Variants in NKTR observed in about 807,000 individuals in gnomAD.
The protein encoded by NKTR is natural killer cell triggering receptor, also known as NK-tumor recognition protein.
Under a neutral mutation model 156.3 loss-of-function variants are expected in NKTR, and 67 were observed. The ratio of observed to expected loss-of-function variants is 0.43; its 90% CI spans 0.35 to 0.53. The LOEUF (loss-of-function observed/expected upper bound fraction) is 0.53, where lower values mean the gene tolerates loss of function less well. Ranked by LOEUF, NKTR falls within the 20% of genes least tolerant of loss-of-function variation. NKTR has a pLI of 0.01. For missense variants in NKTR, 1,604 were observed against 1,730.9 expected (o/e 0.93, Z 1.30); for synonymous variants, 640 against 596.6 (o/e 1.07, Z -1.06).
intron 14 of NKTR, 70 bp downstream of exon 14, chr3:42,642,666 G>A: frequency 9.4e-7 from 1 of 1,067,146 alleles, no homozygotes; most frequent in African/African-American, 1.6e-5. Flanking sequence ...ATAGGCAGAG[G>A]GGGTAGTTGT....
intron 13 of NKTR, among the ~76,000 whole-genome samples, chr3:42,641,893 G>A (rs1709921536): frequency 6.6e-6 from 1 of 150,982 alleles, no homozygotes; most frequent in Admixed American, 6.6e-5. Flanking sequence ...AAAAAAAATA[G>A]AGCTTTGATG....
chr3:42,642,516 T>G lies in NKTR; in HGVS notation c.4062T>G (p.Ser1354=), dbSNP rs771944450. 1.9e-6 allele frequency: 3 copies of G among 1,613,302 alleles called. No individual in the cohort carries two copies. In the East Asian group the frequency reaches 6.7e-5, roughly 36 times the overall value. Residue 1354 remains serine, a synonymous_variant, in exon 14 of 17, where the codon TCT becomes TCG. Transcript: ENST00000232978. The stretch of plus-strand genomic sequence containing the variant: ...TTAATTGTAGATCAAGAAGCTACTC[T>G]AGAAGTCGGAGCAGAGGATGGTACA... ...STSSYRSRSY[S]RSRSRGWYSR...
At chr3:42,633,299 C>T (rs1709080951) in intron 9 of NKTR, 1 of 1,043,166 alleles carries the variant, frequency 9.6e-7, no homozygotes. Flanking sequence ...ACCTAAGACC[C>T]CTAAAGTACT....
At chr3:42,635,852 G>A (rs1185296252) in intron 12 of NKTR, among the ~76,000 whole-genome samples, 1 of 151,796 alleles carries the variant, frequency 6.6e-6, no homozygotes, top group African/African-American at 2.4e-5. Flanking sequence ...AGCTTGCAGT[G>A]AGCTGAGATC....
At chr3:42,628,679 C>G in intron 6 of NKTR, 1 of 985,342 alleles carries the variant, frequency 1.0e-6, no homozygotes, top group Non-Finnish European at 1.2e-6. Flanking sequence ...GGGGCTGATC[C>G]CTTACACTGT....
chr3:42,602,887 C>G (rs1027309479), intron 2 of NKTR: 2 of 151,468 alleles, frequency 1.3e-5, no homozygotes, highest in African/African-American at 4.9e-5. Context: ...CATGGTGGCT[C>G]TCTTAGTTTT....
At chr3:42,618,073 G>A (rs868294682) in intron 3 of NKTR, among the ~76,000 whole-genome samples, 3 of 152,110 alleles carry the variant, frequency 2.0e-5, no homozygotes, top group African/African-American at 7.2e-5. Flanking sequence ...CAAACTGGCC[G>A]GGTGCGGTGG....
chr3:42,610,213 A>G (rs540345614), intron 2 of NKTR, among the ~76,000 whole-genome samples: 1 of 152,228 alleles, frequency 6.6e-6, no homozygotes, highest in South Asian at 2.1e-4. Context: ...CATGTTGGTC[A>G]GGCTGGTCTC....
chr3:42,619,546 A>G, intron 4 of NKTR, 118 bp from the exon 5 acceptor site: 2 of 1,530,142 alleles, frequency 1.3e-6, no homozygotes, highest in South Asian at 2.5e-5. Flanking sequence ...AATTTTGATT[A>G]TTGCAGCAGT....
Position 42,646,191 on chromosome 3 carries a change from A to G in NKTR, c.*216A>G, listed in dbSNP as rs1390476946. The G allele has an allele frequency of 1.8e-5, 7 of 394,072 alleles. No individual in the cohort carries two copies. 24.4% of individuals were successfully genotyped at this position (394,072 alleles called of 1,614,324 possible). ...TTTATGCCACATTTTACAGTAGCCA[A>G]CTATGGAAATGAATTTCATTTTCTT... On this transcript the variant is annotated 3_prime_UTR_variant, in exon 17 of 17. Coordinates refer to ENST00000232978, the MANE Select transcript of NKTR (RefSeq NM_005385.4).
rs1369345000 is a variant in NKTR, at chr3:42,621,511, T to C, written c.369T>C (p.Phe123=). The change falls in exon 6 of 17, where the codon TTT becomes TTC. Residue 123 remains phenylalanine, a synonymous_variant. Coordinates refer to ENST00000232978, the MANE Select transcript of NKTR (RefSeq NM_005385.4). ...NRGKHTNGSQ[F]FITTKPAPHL... Reference sequence around the variant, plus strand: ...GGAAACATACCAATGGTTCCCAGTTTTTCATGTGAGTAGGCATAATTCAGA... The same window carrying C: ...GGAAACATACCAATGGTTCCCAGTTCTTCATGTGAGTAGGCATAATTCAGA... The C allele has an allele frequency of 1.2e-6, 2 of 1,608,930 alleles. No individual in the cohort carries two copies. Among genetic ancestry groups the C allele is most frequent in the African/African-American group, 2.7e-5 (2 of 74,510 alleles).
intron 13 of NKTR, among the ~76,000 whole-genome samples, chr3:42,641,256 G>A (rs1425169941): frequency 1.3e-5 from 2 of 152,118 alleles, no homozygotes; most frequent in African/African-American, 4.8e-5. Flanking sequence ...ATTATTTTTG[G>A]TTGAATAAAT....
intron 14 of NKTR, 143 bp downstream of exon 14, chr3:42,642,739 T>C (rs1296764469): frequency 3.1e-6 from 2 of 648,010 alleles, no homozygotes; most frequent in Admixed American, 5.0e-5. Flanking sequence ...GTTTTTTCTA[T>C]GTAAGAGCTG....
At position 42,601,057 on chromosome 3, in the gene NKTR, G is replaced by T; in HGVS notation, c.51G>T (p.Arg17=). 3 of 1,576,090 alleles carry T rather than the reference G, an allele frequency of 1.9e-6. No homozygotes were observed. Among genetic ancestry groups the T allele is most frequent in the Non-Finnish European group, 2.6e-6 (3 of 1,164,176 alleles). ...PQCHFDIEIN[R]EPVGRIMFQL... Reference sequence around the variant, plus strand: ...GCCACTTCGACATCGAGATCAACCGGGAGCCGGGTGAGCTGGAAACTGGGG... The same window carrying T: ...GCCACTTCGACATCGAGATCAACCGTGAGCCGGGTGAGCTGGAAACTGGGG... The change falls in exon 2 of 17, where the codon CGG becomes CGT. Residue 17 remains arginine, a synonymous_variant. Transcript: ENST00000232978.
Position 42,600,991 on chromosome 3 carries a change from C to G in NKTR, c.-16C>G, listed in dbSNP as rs780186182. ...TCTCCCCCTCTCTCCCAGCTCTTGC[C>G]GCCACCTCGGTCGCGATGGGGGCGC... On this transcript the variant is annotated 5_prime_UTR_variant, in exon 2 of 17. Transcript: ENST00000232978. 5 of 1,555,286 alleles carry G rather than the reference C, an allele frequency of 3.2e-6. No individual in the cohort carries two copies. The highest frequency in any genetic ancestry group is 3.5e-6 in the Non-Finnish European group (4 of 1,152,830).
rs927952414 is a variant in NKTR, at chr3:42,638,272, A to G, written c.2568A>G (p.Ser856=). 1.9e-6 allele frequency: 3 copies of G among 1,600,110 alleles called. No homozygotes were observed. The highest frequency in any genetic ancestry group is 2.2e-5 in the East Asian group (1 of 44,812). Reference sequence around the variant, plus strand: ...AGTCTGAACGGGAATGCCCTCATTCAAAAAAAAGAACTTTGAAAGAGAATC... The same window carrying G: ...AGTCTGAACGGGAATGCCCTCATTCGAAAAAAAGAACTTTGAAAGAGAATC... ...KSKSERECPH[S]KKRTLKENLS... is the part of the protein sequence containing the mutation. The change falls in exon 13 of 17, where the codon TCA becomes TCG. Residue 856 remains serine, a synonymous_variant. Coordinates refer to ENST00000232978, the MANE Select transcript of NKTR (RefSeq NM_005385.4).
rs1710326338 is a variant in NKTR at position 42,645,960 on chromosome 3, C to A, written c.4374C>A (p.Ser1458Arg). 6.2e-7 allele frequency: 1 copy of A among 1,612,176 alleles called. No individual in the cohort carries two copies. ...CTCATCACCGGAGCCCCAGTGAGAG[C>A]AGCAGATACAGTTGAAAACGTCCGG... ...SYSHHRSPSESSRYS is the reference protein window; with the variant it reads ...SYSHHRSPSERSRYS The change falls in exon 17 of 17, where the codon AGC (serine) becomes AGA (arginine). Residue 1458 changes from serine to arginine, a missense_variant. Physicochemically the swap from Ser to Arg is moderately radical, Grantham distance 110. Transcript: ENST00000232978.
At chr3:42,640,521 G>C (rs942138471) in intron 13 of NKTR, among the ~76,000 whole-genome samples, 4 of 151,960 alleles carry the variant, frequency 2.6e-5, no homozygotes, top group Non-Finnish European at 5.9e-5. Context: ...TTCATCATTT[G>C]AACTGAAAAT....
In NKTR at chr3:42,632,718, G is replaced by A; in HGVS notation, c.668G>A (p.Arg223Lys). The change falls in exon 9 of 17, where the codon AGG (arginine) becomes AAG (lysine). Residue 223 changes from arginine to lysine, a missense_variant. Physicochemically the swap from Arg to Lys is conservative, Grantham distance 26 (BLOSUM62 2). This residue lies in a region of NKTR where 1,255 missense variants were observed against 1,243.7 expected (regional missense o/e 1.01). Transcript: ENST00000232978. ...ESELEHERSRRRKHKRRPKVK... is the reference protein window; with the variant it reads ...ESELEHERSRKRKHKRRPKVK... The stretch of plus-strand genomic sequence containing the variant: ...GAACTTGAACATGAGAGAAGCAGAA[G>A]GAGGAAACATAAGAGGAGGCCAAAA... 2 of 1,613,804 alleles carry A rather than the reference G, an allele frequency of 1.2e-6. No homozygotes were observed. Among genetic ancestry groups the A allele is most frequent in the Non-Finnish European group, 1.7e-6 (2 of 1,179,932 alleles).
Sources: allele counts gnomAD v4.1 joint callset (sites outside exome capture counted in the v4.1 genomes callset), GRCh38; gene constraint gnomAD v4.1.1; regional missense constraint gnomAD v4.1.1; transcripts MANE v1.5; gene names NCBI Gene and HGNC (gene_info 2026-07-23, HGNC 2026-07-21).